Variants in UBE4B observed in about 807,000 individuals in gnomAD.
UBE4B encodes ubiquitination factor E4B, also known as ubiquitin conjugation factor E4 B.
Under a neutral mutation model 148.1 loss-of-function variants are expected in UBE4B, and 27 were observed. The ratio of observed to expected loss-of-function variants is 0.18; its 90% CI spans 0.13 to 0.25. The LOEUF (loss-of-function observed/expected upper bound fraction) is 0.25, where lower values mean the gene tolerates loss of function less well. Among genes scored for constraint, UBE4B ranks in the 10% least tolerant of loss-of-function variants. The pLI, the probability that UBE4B is intolerant of heterozygous loss-of-function variation, is 1.00. For missense variants in UBE4B, 1,170 were observed against 1,662.4 expected (o/e 0.70, Z 5.15); for synonymous variants, 596 against 619.3 (o/e 0.96, Z 0.56).
intron 9 of UBE4B, among the ~76,000 whole-genome samples, chr1:10,121,549 T>C (rs567334850): frequency 1.4e-3 from 217 of 152,210 alleles, no homozygotes; most frequent in Admixed American, 4.1e-3. Context: ...ACACACCATC[T>C]TGCCCAGTTG....
In UBE4B at chr1:10,179,971, C is replaced by G. The variant is rs749233193; in HGVS notation, c.*15C>G. The G allele has an allele frequency of 6.2e-7, 1 of 1,614,072 alleles. No individual in the cohort carries two copies. The highest frequency in any genetic ancestry group is 1.7e-5 in the Admixed American group (1 of 60,006). On this transcript the variant is annotated 3_prime_UTR_variant, in exon 28 of 28. Transcript: ENST00000343090. ...GCGATCACTAAACCGTTCCGCCGCC[C>G]ACCCTCTGCTAGACACAGCCAAGGC...
Position 10,103,985 on chromosome 1 carries a change from CT to C in UBE4B, c.580+894del, listed in dbSNP as rs572307080. 8.0e-4 allele frequency among the ~76,000 whole-genome samples: 121 copies of C among 151,926 alleles called. 1 individual carries two copies. The Middle Eastern group carries it at 0.01, about 13-fold the overall frequency. On this transcript the variant is annotated intron_variant, in intron 5 of 27. Coordinates refer to ENST00000343090, the MANE Select transcript of UBE4B (RefSeq NM_001105562.3). ...CCATGTTGGCCAGGATGGTCTCGAT[CT>C]CTTGACCTCGTGATCTGCCTGCCTC...
intron 1 of UBE4B, among the ~76,000 whole-genome samples, chr1:10,055,257 GCCA>G (rs1192568085): frequency 6.6e-6 from 1 of 151,634 alleles, no homozygotes; most frequent in Non-Finnish European, 1.5e-5. Context: ...TGTCTCGTAG[GCCA>G]CCTTTTCATC....
intron 7 of UBE4B, among the ~76,000 whole-genome samples, chr1:10,112,176 T>C (rs1436014538): frequency 2.0e-5 from 3 of 152,174 alleles, no homozygotes; most frequent in East Asian, 1.9e-4. Context: ...GTTTCTATTA[T>C]GTGAAGTAAT....
At chr1:10,171,409 T>G (rs1646336603) in intron 25 of UBE4B, 80 bp downstream of exon 25, 2 of 1,506,826 alleles carry the variant, frequency 1.3e-6, no homozygotes, top group African/African-American at 2.8e-5. Flanking sequence ...GGAACTCGTC[T>G]GGTGTAAATG....
chr1:10,042,083 C>T (rs1020628136), intron 1 of UBE4B, among the ~76,000 whole-genome samples: 3 of 152,166 alleles, frequency 2.0e-5, no homozygotes, highest in East Asian at 1.9e-4. Context: ...TACAGGCGCC[C>T]GCCGCCAGGC....
Position 10,117,564 on chromosome 1 carries a change from C to T in UBE4B, c.1302C>T (p.Phe434=), listed in dbSNP as rs762901445. 61 of 1,602,498 alleles carry T rather than the reference C, an allele frequency of 3.8e-5. No individual in the cohort carries two copies. Among genetic ancestry groups the T allele is most frequent in the Non-Finnish European group, 4.8e-5 (57 of 1,176,406 alleles). Residue 434 remains phenylalanine (F), a synonymous_variant, in exon 8 of 28, where the codon TTC becomes TTT. Coordinates refer to ENST00000343090, the MANE Select transcript of UBE4B (RefSeq NM_001105562.3). ...TGCTGAACTACCTCATCGAGTGTTT[C>T]GACCGAGTTGGAATAGAGGAAAAAA... ...TDMLNYLIEC[F]DRVGIEEKKA... is the part of the protein sequence containing the mutation.
At position 10,180,093 on chromosome 1, in the gene UBE4B, C is replaced by A; in HGVS notation, c.*137C>A. On this transcript the variant is annotated 3_prime_UTR_variant, in exon 28 of 28. Transcript: ENST00000343090. ...CAACCCCAGGCCCACCCAGAGCGAG[C>A]AAACGCTGAGACCTGAAAGGACATG... 2 of 1,015,622 alleles carry A rather than the reference C, an allele frequency of 2.0e-6. No homozygotes were observed. The highest frequency in any genetic ancestry group is 2.9e-6 in the Non-Finnish European group (2 of 680,206). 62.9% of individuals were successfully genotyped at this position (1,015,622 alleles called of 1,614,324 possible).
At chr1:10,084,785 C>T (rs934628158) in intron 2 of UBE4B, among the ~76,000 whole-genome samples, 2 of 151,600 alleles carry the variant, frequency 1.3e-5, no homozygotes, top group Admixed American at 1.3e-4. Flanking sequence ...GTAGCCTCCA[C>T]CTCCCAGGTT....
chr1:10,175,479 A>T lies in UBE4B; in HGVS notation c.3526-3165A>T, dbSNP rs7553668. On this transcript the variant is annotated intron_variant, in intron 25 of 27. Transcript: ENST00000343090. ...GTCCTGGCTAACACGGTGAAACCCC[A>T]TCTCTACTAAAAATACAAAAAATTA... Among the ~76,000 whole-genome samples, 104 of 150,014 alleles carry T rather than the reference A, an allele frequency of 6.9e-4. 1 individual carries two copies. The South Asian group carries it at 0.019, about 27-fold the overall frequency.
Position 10,033,703 on chromosome 1 carries a change from G to T in UBE4B, c.24+9G>T, listed in dbSNP as rs1570748637. 2 of 1,564,638 alleles carry T rather than the reference G, an allele frequency of 1.3e-6. No individual in the cohort carries two copies. Among genetic ancestry groups the T allele is most frequent in the Non-Finnish European group, 1.7e-6 (2 of 1,156,188 alleles). ...AGCTGAGCGCTGATGAGGTGAGGAG[G>T]TTGGGGGACACCTTGAGGGATTAGT... On this transcript the variant is annotated intron_variant, in intron 1 of 27. Transcript: ENST00000343090.
chr1:10,040,861 C>T (rs919560184), intron 1 of UBE4B, among the ~76,000 whole-genome samples: 10 of 152,126 alleles, frequency 6.6e-5, no homozygotes, highest in African/African-American at 1.2e-4. Flanking sequence ...CTTAGGTGAT[C>T]TGCCTGCCTC....
chr1:10,033,705 T>C lies in UBE4B; in HGVS notation c.24+11T>C, dbSNP rs1470635168. The C allele has an allele frequency of 6.4e-7, 1 of 1,563,054 alleles. No homozygotes were observed. On this transcript the variant is annotated intron_variant, in intron 1 of 27. Transcript: ENST00000343090. ...CTGAGCGCTGATGAGGTGAGGAGGT[T>C]GGGGGACACCTTGAGGGATTAGTTG...
intron 24 of UBE4B, among the ~76,000 whole-genome samples, chr1:10,170,482 G>T (rs530666457): frequency 6.6e-6 from 1 of 152,192 alleles, no homozygotes; most frequent in Admixed American, 6.5e-5. Flanking sequence ...CCTGTTTCAG[G>T]TTTGCTTAAA....
chr1:10,072,117 G>A lies in UBE4B; in HGVS notation c.114G>A (p.Pro38=), dbSNP rs777211373. 3.3e-5 allele frequency: 53 copies of A among 1,613,338 alleles called. 1 individual carries two copies. The Middle Eastern group carries it at 8.2e-4, about 25-fold the overall frequency. The stretch of plus-strand genomic sequence containing the variant: ...CCTCTCCCCAGAGGGAGAACCCTCC[G>A]GGGCCTCCCATAGCGGCATCAGCCC... ...PLTSPQRENP[P]GPPIAASAPG... The change falls in exon 2 of 28, where the codon CCG becomes CCA. Residue 38 remains proline, a synonymous_variant. Transcript: ENST00000343090.
chr1:10,112,107 C>G (rs1012908928), intron 7 of UBE4B, among the ~76,000 whole-genome samples: 1 of 151,886 alleles, frequency 6.6e-6, no homozygotes, highest in Non-Finnish European at 1.5e-5. Flanking sequence ...CTGCACAGAT[C>G]GGATGCACGT....
chr1:10,065,352 C>T (rs904435918), intron 1 of UBE4B, among the ~76,000 whole-genome samples: 4 of 152,004 alleles, frequency 2.6e-5, no homozygotes, highest in African/African-American at 9.7e-5. Context: ...GAGGAGCATG[C>T]GGGGGAGGAA....
intron 2 of UBE4B, among the ~76,000 whole-genome samples, chr1:10,095,246 C>T (rs940749042): frequency 2.0e-5 from 3 of 152,142 alleles, no homozygotes; most frequent in African/African-American, 7.2e-5. Context: ...TTACTGACCT[C>T]ATATGAAGTA....
At chr1:10,044,003 G>T (rs1643867873) in intron 1 of UBE4B, among the ~76,000 whole-genome samples, 1 of 152,044 alleles carries the variant, frequency 6.6e-6, no homozygotes, top group South Asian at 2.1e-4. Flanking sequence ...GAAAATGTTT[G>T]TTGTTGGGGG....
Sources: allele counts gnomAD v4.1 joint callset (sites outside exome capture counted in the v4.1 genomes callset), GRCh38; gene constraint gnomAD v4.1.1; transcripts MANE v1.5; gene names NCBI Gene and HGNC (gene_info 2026-07-23, HGNC 2026-07-21).